HNF4G: variants seen among roughly 807,000 people sequenced by gnomAD.
HNF4G encodes hepatocyte nuclear factor 4-gamma.
A neutral mutation model predicts 50.9 loss-of-function variants in HNF4G; 21 were observed. The ratio of observed to expected loss-of-function variants is 0.41; its 90% CI spans 0.29 to 0.59. HNF4G has a LOEUF of 0.59. Ranked by LOEUF, HNF4G falls within the 20% of genes least tolerant of loss-of-function variation. HNF4G has a pLI of 0.26. For missense variants in HNF4G, 527 were observed against 559.4 expected (o/e 0.94, Z 0.58); for synonymous variants, 198 against 185.6 (o/e 1.07, Z -0.54).
intron 1 of HNF4G, among the ~76,000 whole-genome samples, chr8:75,419,221 C>A (rs918402552): frequency 1.3e-5 from 2 of 152,116 alleles, no homozygotes; most frequent in Non-Finnish European, 2.9e-5. Flanking sequence ...AAGCTGAACT[C>A]CAAAGCAAGG....
chr8:75,441,787 A>G (rs980428865), intron 1 of HNF4G, among the ~76,000 whole-genome samples: 1 of 152,198 alleles, frequency 6.6e-6, no homozygotes, highest in East Asian at 1.9e-4. Flanking sequence ...ACTTGTAGCA[A>G]ACAATCAGCG....
intron 2 of HNF4G, among the ~76,000 whole-genome samples, chr8:75,493,431 C>T: frequency 6.6e-6 from 1 of 151,992 alleles, no homozygotes. Flanking sequence ...ATAGCTTTGC[C>T]AAATGTTTAT....
intron 2 of HNF4G, among the ~76,000 whole-genome samples, chr8:75,492,829 T>C (rs1401598997): frequency 6.6e-6 from 1 of 152,108 alleles, no homozygotes; most frequent in Admixed American, 6.6e-5. Context: ...GCAAGGAGGC[T>C]GATTTCTCCT....
chr8:75,440,004 T>C (rs1295365890), intron 1 of HNF4G, among the ~76,000 whole-genome samples: 2 of 152,114 alleles, frequency 1.3e-5, no homozygotes, highest in Non-Finnish European at 2.9e-5. Context: ...TTAATCTGCA[T>C]AACTATTTCA....
At chr8:75,476,716 A>G (rs1272900959) in intron 1 of HNF4G, among the ~76,000 whole-genome samples, 1 of 152,170 alleles carries the variant, frequency 6.6e-6, no homozygotes, top group Admixed American at 6.5e-5. Context: ...TGTGGGAACT[A>G]CCTGTAGCTT....
intron 1 of HNF4G, among the ~76,000 whole-genome samples, chr8:75,486,751 C>T (rs1448200036): frequency 6.6e-6 from 1 of 152,142 alleles, no homozygotes; most frequent in African/African-American, 2.4e-5. Flanking sequence ...TGCCTGTAAT[C>T]CCAGCGCTTC....
At chr8:75,465,709 G>C (rs764813427) in intron 1 of HNF4G, among the ~76,000 whole-genome samples, 13 of 151,956 alleles carry the variant, frequency 8.6e-5, no homozygotes, top group Non-Finnish European at 1.9e-4. Flanking sequence ...GTAGAAATAA[G>C]AACAAGAAAG....
intron 1 of HNF4G, among the ~76,000 whole-genome samples, chr8:75,451,589 T>C (rs1811585634): frequency 6.6e-6 from 1 of 152,216 alleles, no homozygotes; most frequent in African/African-American, 2.4e-5. Flanking sequence ...GCACCATTTA[T>C]TGAAGAGACT....
At chr8:75,547,739 C>A in intron 3 of HNF4G, 58 bp downstream of exon 3, 1 of 1,034,294 alleles carries the variant, frequency 9.7e-7, no homozygotes, top group Non-Finnish European at 1.5e-6. Flanking sequence ...AACATACACA[C>A]ACATTCTCAT....
chr8:75,437,277 G>A (rs1173811773), intron 1 of HNF4G, among the ~76,000 whole-genome samples: 1 of 152,188 alleles, frequency 6.6e-6, no homozygotes, highest in Non-Finnish European at 1.5e-5. Context: ...TCTATAATTA[G>A]AGAAAAGTAA....
intron 2 of HNF4G, among the ~76,000 whole-genome samples, chr8:75,514,281 G>A (rs1448712719): frequency 6.8e-6 from 1 of 146,724 alleles, no homozygotes; most frequent in African/African-American, 2.5e-5. Flanking sequence ...CTGTTTGTGT[G>A]CTGGGTTTAT....
At chr8:75,521,032 G>A (rs1372271225) in intron 2 of HNF4G, among the ~76,000 whole-genome samples, 1 of 151,988 alleles carries the variant, frequency 6.6e-6, no homozygotes, top group Non-Finnish European at 1.5e-5. Context: ...TTCTGCATTT[G>A]CATTTACTGT....
At chr8:75,456,851 C>T (rs1811735705) in intron 1 of HNF4G, among the ~76,000 whole-genome samples, 1 of 151,978 alleles carries the variant, frequency 6.6e-6, no homozygotes, top group Non-Finnish European at 1.5e-5. Context: ...AGCGATTCCC[C>T]CACTTCAGGC....
intron 1 of HNF4G, among the ~76,000 whole-genome samples, chr8:75,415,967 C>T (rs756429545): frequency 1.1e-4 from 16 of 152,190 alleles, no homozygotes; most frequent in Middle Eastern, 3.4e-3. Context: ...TTAAAAATGA[C>T]AATTCACAGT....
At chr8:75,505,225 A>G (rs575465797) in intron 2 of HNF4G, among the ~76,000 whole-genome samples, 1 of 152,276 alleles carries the variant, frequency 6.6e-6, no homozygotes, top group African/African-American at 2.4e-5. Flanking sequence ...TCTTCTGCTA[A>G]CTTGTTGGTG....
At chr8:75,513,307 G>C (rs1356501445) in intron 2 of HNF4G, among the ~76,000 whole-genome samples, 1 of 151,980 alleles carries the variant, frequency 6.6e-6, no homozygotes, top group Admixed American at 6.6e-5. Context: ...CAAAGTGCTG[G>C]GATTACAAGC....
At chr8:75,508,889 G>C (rs565631812) in intron 2 of HNF4G, among the ~76,000 whole-genome samples, 38 of 152,282 alleles carry the variant, frequency 2.5e-4, no homozygotes, top group African/African-American at 9.1e-4. Flanking sequence ...AAGAGCAGTG[G>C]AATGCTATTA....
chr8:75,520,007 C>G (rs908942817), intron 2 of HNF4G, among the ~76,000 whole-genome samples: 2 of 151,830 alleles, frequency 1.3e-5, no homozygotes, highest in African/African-American at 4.8e-5. Flanking sequence ...TTTTTTTTCT[C>G]TCTTCCAGCC....
chr8:75,469,376 G>A (rs529959711), intron 1 of HNF4G, among the ~76,000 whole-genome samples: 5 of 152,260 alleles, frequency 3.3e-5, no homozygotes, highest in Middle Eastern at 3.4e-3. Flanking sequence ...GAGTAATTGC[G>A]ACAATAATCC....
Sources: gnomAD v4.1 joint callset for allele counts (sites outside exome capture counted in the v4.1 genomes callset) on GRCh38, gnomAD v4.1.1 for gene constraint, MANE v1.5 for transcripts, NCBI Gene and HGNC (gene_info 2026-07-23, HGNC 2026-07-21) for gene names.